The following TEKT3 variants were observed in gnomAD, a reference collection of about 807,000 sequenced individuals.
TEKT3 encodes the protein tektin-3.
A neutral mutation model predicts 49.8 loss-of-function variants in TEKT3; 49 were observed. The ratio of observed to expected loss-of-function variants is 0.98; its 90% CI spans 0.78 to 1.25. The LOEUF (loss-of-function observed/expected upper bound fraction) is 1.25, where lower values mean the gene tolerates loss of function less well. Ranked by LOEUF, TEKT3 falls within the 50% of genes most tolerant of loss-of-function variation. The pLI is 0.00. For missense variants in TEKT3, 595 were observed against 629.5 expected (o/e 0.95, Z 0.59); for synonymous variants, 225 against 237.2 (o/e 0.95, Z 0.47).
chr17:15,325,977 G>A (rs1911472849), intron 4 of TEKT3, among the ~76,000 whole-genome samples: 1 of 152,136 alleles, frequency 6.6e-6, no homozygotes, highest in African/African-American at 2.4e-5. Flanking sequence ...TAGGGACAGT[G>A]ACTTTTACAG....
intron 2 of TEKT3, among the ~76,000 whole-genome samples, chr17:15,332,514 C>T (rs230906): frequency 0.095 from 14,420 of 152,196 alleles, 834 homozygotes; most frequent in East Asian, 0.22. Context: ...TGGCAACTCC[C>T]CGCCCCTGCC....
At chr17:15,313,691 T>C (rs985339903) in intron 6 of TEKT3, among the ~76,000 whole-genome samples, 6 of 152,032 alleles carry the variant, frequency 3.9e-5, no homozygotes, top group African/African-American at 1.5e-4. Flanking sequence ...GTATTTTTAG[T>C]AGAGACGGGG....
At position 15,331,108 on chromosome 17, in the gene TEKT3, T is replaced by C. The variant is rs762643810; in HGVS notation, c.478A>G (p.Ile160Val). 1.6e-5 allele frequency: 26 copies of C among 1,614,092 alleles called. No individual in the cohort carries two copies. The African/African-American group carries it at 2.8e-4, about 17-fold the overall frequency. The change falls in exon 3 of 9, where the codon ATC (isoleucine) becomes GTC (valine). Residue 160 changes from isoleucine to valine, a missense_variant. By Grantham distance (29) the Ile-to-Val change is conservative. Transcript: ENST00000395930. The stretch of plus-strand genomic sequence containing the variant: ...ATCATTTCATCCAACTCATGAATGA[T>C]TTCAGATTTCCAAAACCCTATGTCA... ...VNDIGFWKSEIIHELDEMIGE... is the reference protein window; with the variant it reads ...VNDIGFWKSEVIHELDEMIGE...
At chr17:15,321,890 G>A (rs909804679) in intron 4 of TEKT3, among the ~76,000 whole-genome samples, 4 of 152,220 alleles carry the variant, frequency 2.6e-5, no homozygotes, top group Admixed American at 1.3e-4. Flanking sequence ...TGAAGCATCT[G>A]TCGTTACAGT....
chr17:15,325,656 T>C (rs1188331462), intron 4 of TEKT3, among the ~76,000 whole-genome samples: 1 of 150,838 alleles, frequency 6.6e-6, no homozygotes, highest in Non-Finnish European at 1.5e-5. Context: ...ACACTAAATG[T>C]AGCCAAGTAC....
chr17:15,303,940 CA>C lies in TEKT3; in HGVS notation c.1468del (p.Cys490AlafsTer34). ...AAACCACACCCGGTGGGGTCCCTAG[CA>C]GAAGCCGACCAGCCGGAGGGTGTTG... is the stretch of plus-strand genomic sequence containing the variant. ...YPNTLRLVGF[C>X] On this transcript the variant is annotated frameshift_variant, in exon 9 of 9. Coordinates refer to ENST00000395930, the MANE Select transcript of TEKT3 (RefSeq NM_031898.3). LOFTEE classifies it high-confidence loss of function. 3.7e-6 allele frequency: 6 copies of C among 1,613,810 alleles called. No individual in the cohort carries two copies. Among genetic ancestry groups the C allele is most frequent in the Non-Finnish European group, 5.1e-6 (6 of 1,180,010 alleles).
rs1324083475 is a variant in TEKT3 at position 15,341,595 on chromosome 17, A to C, written c.-141T>G. On this transcript the variant is annotated 5_prime_UTR_variant, in exon 1 of 9. Transcript: ENST00000395930. The stretch of plus-strand genomic sequence containing the variant: ...CGCAGCCTACCACCTGCAGCCCTCG[A>C]CTGGGGCCCAGACCAGTCTGGCCCT... 6.6e-6 allele frequency: 1 copy of C among 152,200 alleles called. No individual in the cohort carries two copies. Among genetic ancestry groups the C allele is most frequent in the East Asian group, 1.9e-4 (1 of 5,150 alleles). The allele number at this position is 152,200 out of a possible 1,614,324, so 9.4% of individuals were successfully genotyped here.
chr17:15,314,182 T>A lies in TEKT3; in HGVS notation c.783A>T (p.Lys261Asn), dbSNP rs1181667530. 6.2e-7 allele frequency: 1 copy of A among 1,614,206 alleles called. No individual in the cohort carries two copies. The highest frequency in any genetic ancestry group is 8.5e-7 in the Non-Finnish European group (1 of 1,180,030). The change falls in exon 6 of 9, where the codon AAA becomes AAT. Residue 261 changes from lysine to asparagine, a missense_variant. Transcript: ENST00000395930. ...QHELEKDLSD[K>N]QTAYRIDDKC... is the part of the protein sequence containing the mutation. ...TGTCGTCGATCCGGTAAGCCGTCTG[T>A]TTGTCACTCAGGTCCTTTTCCAGCT... is the stretch of plus-strand genomic sequence containing the variant.
At chr17:15,321,833 T>G (rs1402578681) in intron 4 of TEKT3, among the ~76,000 whole-genome samples, 1 of 152,208 alleles carries the variant, frequency 6.6e-6, no homozygotes, top group East Asian at 1.9e-4. Context: ...TCCAGTTGCT[T>G]GAAGAACCTT....
At position 15,331,395 on chromosome 17, in the gene TEKT3, C is replaced by T; in HGVS notation, c.191G>A (p.Ser64Asn). The T allele has an allele frequency of 6.2e-7, 1 of 1,614,050 alleles. No individual in the cohort carries two copies. The highest frequency in any genetic ancestry group is 8.5e-7 in the Non-Finnish European group (1 of 1,180,022). Residue 64 changes from serine to asparagine, a missense_variant, in exon 3 of 9, where the codon AGC (serine) becomes AAC (asparagine). Transcript: ENST00000395930. ...TGATCTGGTGCAGTACGGGGCCACG[C>T]TTGGGGAATTGGAGGCGACTTTGTA... is the stretch of plus-strand genomic sequence containing the variant. Reference protein sequence around the residue: ...TYYKVASNSPSVAPYCTRSQR... With the variant: ...TYYKVASNSPNVAPYCTRSQR...
intron 2 of TEKT3, among the ~76,000 whole-genome samples, chr17:15,334,601 T>C (rs577036559): frequency 5.9e-5 from 9 of 152,344 alleles, no homozygotes; most frequent in African/African-American, 2.2e-4. Context: ...CAAAAGCACC[T>C]GGTGATGTGT....
chr17:15,320,961 A>G (rs896687797), intron 4 of TEKT3, among the ~76,000 whole-genome samples: 12 of 150,316 alleles, frequency 8.0e-5, no homozygotes, highest in East Asian at 3.9e-4. Flanking sequence ...TTAGTGAGGG[A>G]AAAAAAATGC....
chr17:15,339,240 C>A (rs1269662531), intron 2 of TEKT3, among the ~76,000 whole-genome samples: 2 of 152,146 alleles, frequency 1.3e-5, no homozygotes, highest in Non-Finnish European at 2.9e-5. Flanking sequence ...AGAAGACCCC[C>A]ATCAGATGTA....
intron 5 of TEKT3, among the ~76,000 whole-genome samples, chr17:15,317,436 G>T (rs1911056113): frequency 6.6e-6 from 1 of 152,112 alleles, no homozygotes; most frequent in Non-Finnish European, 1.5e-5. Context: ...AATTCCTGGG[G>T]AGCAGAAACC....
Position 15,304,966 on chromosome 17 carries a change from G to A in TEKT3, c.1257-814C>T, listed in dbSNP as rs1306736792. On this transcript the variant is annotated intron_variant, in intron 8 of 8. Coordinates refer to ENST00000395930, the MANE Select transcript of TEKT3 (RefSeq NM_031898.3). This position sits in a 1 kb window ranked among gnomAD's most constrained non-coding sequence, Gnocchi z 4.7. ...AGCCTTTTACGGCACTCAGGGTCTT[G>A]TGATTGTCTGCTTGCAACATCTGCT... Among the ~76,000 whole-genome samples the A allele has an allele frequency of 6.6e-6, 1 of 152,204 alleles. No homozygotes were observed. The highest frequency in any genetic ancestry group is 1.5e-5 in the Non-Finnish European group (1 of 68,040).
At chr17:15,308,571 G>C in intron 8 of TEKT3, 93 bp downstream of exon 8, 3 of 1,501,602 alleles carry the variant, frequency 2.0e-6, no homozygotes, top group Non-Finnish European at 2.7e-6. Context: ...TACATGCTGC[G>C]TATGGGCAGA....
chr17:15,339,305 G>C (rs770211984), intron 2 of TEKT3, among the ~76,000 whole-genome samples: 2 of 152,054 alleles, frequency 1.3e-5, no homozygotes, highest in East Asian at 3.9e-4. Context: ...ATAAATCTCC[G>C]CCTTTATAAA....
Position 15,303,969 on chromosome 17 carries a change from G to A in TEKT3, c.1440C>T (p.Tyr480=). 1 of 1,614,100 alleles carries A rather than the reference G, an allele frequency of 6.2e-7. No individual in the cohort carries two copies. Among genetic ancestry groups the A allele is most frequent in the Non-Finnish European group, 8.5e-7 (1 of 1,180,038 alleles). The stretch of plus-strand genomic sequence containing the variant: ...AGCCGACCAGCCGGAGGGTGTTGGG[G>A]TAGCTCTTGCGCATGCTCATGCATT... ...QEKCMSMRKS[Y]PNTLRLVGFC is the part of the protein sequence containing the mutation. Residue 480 remains tyrosine, a synonymous_variant, in exon 9 of 9, where the codon TAC becomes TAT. Coordinates refer to ENST00000395930, the MANE Select transcript of TEKT3 (RefSeq NM_031898.3).
At chr17:15,319,210 C>A in intron 4 of TEKT3, 63 bp from the exon 5 acceptor site, 4 of 1,317,574 alleles carry the variant, frequency 3.0e-6, no homozygotes, top group South Asian at 2.8e-5. Context: ...TCAAAATCAA[C>A]AATGTAACAA....
Sources: gnomAD v4.1 joint callset for allele counts (sites outside exome capture counted in the v4.1 genomes callset) on GRCh38, gnomAD v4.1.1 for gene constraint, Gnocchi (gnomAD v3.1) non-coding constraint, MANE v1.5 for transcripts, NCBI Gene and HGNC (gene_info 2026-07-23, HGNC 2026-07-21) for gene names.